Variants in INPP5A observed in about 807,000 individuals in gnomAD.
The protein encoded by INPP5A is inositol polyphosphate-5-phosphatase A, also known as 43 kDa inositol polyphosphate 5-phophatase.
INPP5A carries 14 observed loss-of-function variants against 65.2 expected under a neutral mutation model. That is an observed-to-expected ratio of 0.21 (90% CI 0.14 to 0.34). The LOEUF is 0.34. Ranked by LOEUF, INPP5A falls within the 10% of genes least tolerant of loss-of-function variation. The pLI, the probability that INPP5A is intolerant of heterozygous loss-of-function variation, is 1.00. For missense variants in INPP5A, 431 were observed against 545.6 expected, an observed-to-expected ratio of 0.79 and a Z score of 2.09; for synonymous variants, 207 against 208.3, an observed-to-expected ratio of 0.99 and a Z score of 0.05.
intron 8 of INPP5A, among the ~76,000 whole-genome samples, chr10:132,719,442 T>A (rs1173696933): frequency 6.7e-6 from 1 of 148,184 alleles, no homozygotes; most frequent in Non-Finnish European, 1.5e-5. Flanking sequence ...GGTTCTGTGG[T>A]ACCTGGGTTC....
rs942001503 is a variant in INPP5A, at chr10:132,706,368, C to T, written c.475-1945C>T. On this transcript the variant is annotated intron_variant, in intron 6 of 15. Coordinates refer to ENST00000368594, the MANE Select transcript of INPP5A (RefSeq NM_005539.5). This position sits in a 1 kb window ranked among gnomAD's most constrained non-coding sequence, Gnocchi z 4.7. ...GGGAAATTCTTAAAAATTTAATTCC[C>T]GAGCACAATTTGGATACAGAGCAGG... 5.3e-5 allele frequency among the ~76,000 whole-genome samples: 8 copies of T among 152,280 alleles called. No homozygotes were observed. Among genetic ancestry groups the T allele is most frequent in the East Asian group, 3.9e-4 (2 of 5,182 alleles).
At chr10:132,691,407 C>G (rs1353676231) in intron 5 of INPP5A, among the ~76,000 whole-genome samples, 1 of 152,222 alleles carries the variant, frequency 6.6e-6, no homozygotes, top group East Asian at 1.9e-4. Context: ...GACACGGCGT[C>G]TGCGTGCTGT....
At chr10:132,756,493 T>A (rs1318245986) in intron 11 of INPP5A, among the ~76,000 whole-genome samples, 1 of 152,228 alleles carries the variant, frequency 6.6e-6, no homozygotes, top group Non-Finnish European at 1.5e-5. Flanking sequence ...GGTTTGATAA[T>A]CTGACGATAG....
intron 9 of INPP5A, among the ~76,000 whole-genome samples, chr10:132,732,750 G>C (rs964526389): frequency 6.6e-6 from 1 of 152,174 alleles, no homozygotes; most frequent in Admixed American, 6.5e-5. Context: ...TCAGTGCTGC[G>C]TGGCACCTCC....
intron 4 of INPP5A, among the ~76,000 whole-genome samples, chr10:132,657,039 G>C (rs1170439226): frequency 2.6e-5 from 4 of 152,232 alleles, no homozygotes; most frequent in African/African-American, 7.2e-5. Context: ...AGAGAGTGAA[G>C]TCTGAGCTCC....
chr10:132,782,227 T>C lies in INPP5A; in HGVS notation c.*198T>C. 1 of 657,214 alleles carries C rather than the reference T, an allele frequency of 1.5e-6. No homozygotes were observed. Among genetic ancestry groups the C allele is most frequent in the East Asian group, 3.7e-5 (1 of 27,014 alleles). 40.7% of individuals were successfully genotyped at this position (657,214 alleles called of 1,614,324 possible). ...CATACCTCACTGTCTCGTCTGTCTATGTGACATTAAGTAGAAATATTGGTT... is the reference window on the plus strand; with the variant it reads ...CATACCTCACTGTCTCGTCTGTCTACGTGACATTAAGTAGAAATATTGGTT... On this transcript the variant is annotated 3_prime_UTR_variant, in exon 16 of 16. Transcript: ENST00000368594. This position sits in a 1 kb window ranked among gnomAD's most constrained non-coding sequence, Gnocchi z 4.4.
intron 9 of INPP5A, among the ~76,000 whole-genome samples, chr10:132,742,276 C>T (rs1846288811): frequency 1.3e-5 from 2 of 152,228 alleles, no homozygotes; most frequent in South Asian, 2.1e-4. Flanking sequence ...CCCCTTGATG[C>T]AGCCCCGACC....
intron 4 of INPP5A, among the ~76,000 whole-genome samples, chr10:132,682,934 G>T (rs529306696): frequency 6.6e-6 from 1 of 152,208 alleles, no homozygotes; most frequent in East Asian, 1.9e-4. Flanking sequence ...GCACGTGTCT[G>T]CCATGACCCA....
At chr10:132,591,424 T>A (rs568024907) in intron 1 of INPP5A, among the ~76,000 whole-genome samples, 32 of 152,372 alleles carry the variant, frequency 2.1e-4, no homozygotes, top group South Asian at 1.0e-3. Flanking sequence ...TGGAGAGGAC[T>A]GACAGCTCTA....
At position 132,781,841 on chromosome 10, in the gene INPP5A, G is replaced by A. The variant is rs768492349; in HGVS notation, c.1159-20G>A. ...GTCCCGCGTGCGCCGTGCTGACACC[G>A]TCCTCTCTTCCTGCTGCAGCCCGTG... is the stretch of plus-strand genomic sequence containing the variant. On this transcript the variant is annotated intron_variant, in intron 14 of 15. Transcript: ENST00000368594. 5.6e-6 allele frequency: 9 copies of A among 1,608,982 alleles called. No homozygotes were observed. The highest frequency in any genetic ancestry group is 2.2e-5 in the South Asian group (2 of 91,012).
intron 8 of INPP5A, among the ~76,000 whole-genome samples, chr10:132,720,918 G>A (rs1361740430): frequency 3.3e-5 from 5 of 151,298 alleles, no homozygotes; most frequent in East Asian, 3.9e-4. Context: ...GCTGTCTTGC[G>A]GGTTCTGTGG....
chr10:132,708,631 G>A, intron 7 of INPP5A: 1 of 561,950 alleles, frequency 1.8e-6, no homozygotes, highest in Non-Finnish European at 3.4e-6. Context: ...CCCGCAGCTG[G>A]AGAGTTCCGC....
chr10:132,635,373 T>G (rs2072331190), intron 2 of INPP5A, among the ~76,000 whole-genome samples: 1 of 150,206 alleles, frequency 6.7e-6, no homozygotes, highest in Non-Finnish European at 1.5e-5. Context: ...ATTGGCTGTT[T>G]GCCTTTTTAA....
chr10:132,600,397 A>G (rs904456568), intron 1 of INPP5A, among the ~76,000 whole-genome samples: 7 of 152,200 alleles, frequency 4.6e-5, no homozygotes, highest in African/African-American at 1.7e-4. Context: ...CCAGTTCCCA[A>G]CAAGTTCCTC....
At chr10:132,660,326 T>A (rs1016776948) in intron 4 of INPP5A, among the ~76,000 whole-genome samples, 2 of 152,008 alleles carry the variant, frequency 1.3e-5, no homozygotes, top group African/African-American at 4.8e-5. Flanking sequence ...AAGAAAACAA[T>A]CAAAAGAAAA....
At chr10:132,732,013 GGCACCCCAGGCAGTGGCAAT>G (rs1846095174) in intron 9 of INPP5A, among the ~76,000 whole-genome samples, 1 of 152,178 alleles carries the variant, frequency 6.6e-6, no homozygotes. Flanking sequence ...GGGAGCCCCC[GGCACCCCAGGCAGTGGCAAT>G]GCAGATTCCT....
chr10:132,638,867 A>G (rs1405835149), intron 2 of INPP5A, among the ~76,000 whole-genome samples: 1 of 152,162 alleles, frequency 6.6e-6, no homozygotes, highest in African/African-American at 2.4e-5. Context: ...TGAGCCTGGC[A>G]GCTTCCACTT....
chr10:132,712,585 C>A (rs527785355), intron 8 of INPP5A, among the ~76,000 whole-genome samples: 2 of 142,962 alleles, frequency 1.4e-5, no homozygotes, highest in East Asian at 2.1e-4. Context: ...CATGTGAGTG[C>A]GGGTGTATGT....
intron 1 of INPP5A, among the ~76,000 whole-genome samples, chr10:132,595,815 C>A (rs1227793348): frequency 6.6e-6 from 1 of 152,094 alleles, no homozygotes; most frequent in Non-Finnish European, 1.5e-5. Context: ...TCTTTGTTGA[C>A]AGAGCATTTT....
Sources: gnomAD v4.1 joint callset for allele counts (sites outside exome capture counted in the v4.1 genomes callset) on GRCh38, gnomAD v4.1.1 for gene constraint, Gnocchi (gnomAD v3.1) non-coding constraint, MANE v1.5 for transcripts, NCBI Gene and HGNC (gene_info 2026-07-23, HGNC 2026-07-21) for gene names.